The following TRIM37 variants were observed in gnomAD, a reference collection of about 807,000 sequenced individuals.
The protein encoded by TRIM37 is E3 ubiquitin-protein ligase TRIM37.
A neutral mutation model predicts 129.8 loss-of-function variants in TRIM37; 80 were observed. The observed-to-expected ratio is 0.62, with a 90% confidence interval of 0.51 to 0.74. The LOEUF (loss-of-function observed/expected upper bound fraction) is 0.74, where lower values mean the gene tolerates loss of function less well. Ranked by LOEUF, TRIM37 falls within the 30% of genes least tolerant of loss-of-function variation. The probability of loss-of-function intolerance (pLI) is 0.00; values close to 1 mark genes in which losing one functional copy is unlikely to be tolerated. For missense variants in TRIM37, 1,054 were observed against 1,176.5 expected (o/e 0.90, Z 1.52); for synonymous variants, 389 against 387.1 (o/e 1.00, Z -0.06).
intron 5 of TRIM37, among the ~76,000 whole-genome samples, chr17:59,081,620 A>AT (rs879386344): frequency 1.3e-5 from 2 of 152,116 alleles, no homozygotes; most frequent in Non-Finnish European, 2.9e-5. Flanking sequence ...TTAAAAAATA[A>AT]TTATTAGCCA....
chr17:58,991,667 C>G (rs1412004451), intron 24 of TRIM37, among the ~76,000 whole-genome samples: 2 of 152,098 alleles, frequency 1.3e-5, no homozygotes, highest in African/African-American at 2.4e-5. Flanking sequence ...ATTAGCAAAA[C>G]AAATACCATT....
chr17:59,071,862 A>G (rs919780327), intron 8 of TRIM37, among the ~76,000 whole-genome samples: 1 of 152,240 alleles, frequency 6.6e-6, no homozygotes, highest in African/African-American at 2.4e-5. Flanking sequence ...GTTTACATAC[A>G]AAACTAAAAT....
At chr17:59,002,061 C>T (rs1041940412) in intron 22 of TRIM37, among the ~76,000 whole-genome samples, 10 of 151,924 alleles carry the variant, frequency 6.6e-5, no homozygotes, top group African/African-American at 2.2e-4. Flanking sequence ...AACAGGAACT[C>T]TTTTAATCCT....
At chr17:59,005,759 C>T in intron 22 of TRIM37, among the ~76,000 whole-genome samples, 1 of 152,084 alleles carries the variant, frequency 6.6e-6, no homozygotes, top group Non-Finnish European at 1.5e-5. Flanking sequence ...AATAAAAATG[C>T]CAATATAAGG....
At chr17:59,085,042 C>T (rs572018834) in intron 4 of TRIM37, among the ~76,000 whole-genome samples, 2 of 152,220 alleles carry the variant, frequency 1.3e-5, no homozygotes, top group East Asian at 1.9e-4. Context: ...AAACTACAGG[C>T]CGGGTGCAGC....
chr17:58,995,111 C>T (rs568590902), downstream of TRIM37, among the ~76,000 whole-genome samples: 6 of 152,104 alleles, frequency 3.9e-5, no homozygotes, highest in African/African-American at 1.4e-4. Flanking sequence ...TGCAGTAGCA[C>T]GATTTTGGCT....
At chr17:59,100,193 T>C (rs1369051130) in intron 2 of TRIM37, among the ~76,000 whole-genome samples, 1 of 152,132 alleles carries the variant, frequency 6.6e-6, no homozygotes, top group Non-Finnish European at 1.5e-5. Flanking sequence ...TTTTAGAAAA[T>C]AGCTTGGCAA....
chr17:58,991,427 T>C (rs1301057894), intron 24 of TRIM37, among the ~76,000 whole-genome samples: 1 of 152,004 alleles, frequency 6.6e-6, no homozygotes, highest in African/African-American at 2.4e-5. Flanking sequence ...TCCCAGCTAC[T>C]CGGAAGGCTG....
intron 13 of TRIM37, among the ~76,000 whole-genome samples, chr17:59,055,422 G>A (rs976981321): frequency 8.6e-5 from 13 of 151,506 alleles, no homozygotes; most frequent in African/African-American, 2.4e-4. Context: ...TGGGCCGGGC[G>A]CAGTGGCTCA....
At chr17:59,092,365 C>T (rs1159002043) in intron 2 of TRIM37, among the ~76,000 whole-genome samples, 1 of 150,756 alleles carries the variant, frequency 6.6e-6, no homozygotes, top group Non-Finnish European at 1.5e-5. Flanking sequence ...TGCCACTGCA[C>T]TCTAGCCTGG....
downstream of TRIM37, among the ~76,000 whole-genome samples, chr17:58,994,015 T>A (rs964922265): frequency 2.6e-5 from 4 of 152,224 alleles, no homozygotes; most frequent in African/African-American, 9.6e-5. Context: ...CTGTTTTTTG[T>A]AGGGCATAGC....
intron 22 of TRIM37, among the ~76,000 whole-genome samples, chr17:59,002,882 T>C (rs981974220): frequency 6.6e-6 from 1 of 152,098 alleles, no homozygotes; most frequent in African/African-American, 2.4e-5. Flanking sequence ...CTGCATAATG[T>C]TAAAATTTTT....
chr17:58,984,708 CAAT>C (rs2031635244), intron 24 of TRIM37: 1 of 152,582 alleles, frequency 6.6e-6, no homozygotes, highest in Non-Finnish European at 1.5e-5. Flanking sequence ...TATTACAACA[CAAT>C]GATTTTCCAG....
At chr17:59,000,276 G>A (rs954700687) in intron 23 of TRIM37, among the ~76,000 whole-genome samples, 7 of 152,138 alleles carry the variant, frequency 4.6e-5, no homozygotes, top group Non-Finnish European at 1.5e-5. Context: ...ATATTTAAGT[G>A]AAAAAAGCAG....
intron 24 of TRIM37, among the ~76,000 whole-genome samples, chr17:58,988,398 TGAGGGAAAAG>T (rs1334488231): frequency 6.6e-6 from 1 of 151,976 alleles, no homozygotes; most frequent in Non-Finnish European, 1.5e-5. Flanking sequence ...AAGCACCCTA[TGAGGGAAAAG>T]GAGCACAAAT....
chr17:59,021,609 G>A (rs994849502), intron 19 of TRIM37, among the ~76,000 whole-genome samples: 5 of 151,922 alleles, frequency 3.3e-5, no homozygotes, highest in African/African-American at 1.2e-4. Context: ...ATACAGCAAT[G>A]GTTACCAGAG....
chr17:59,105,505 C>A (rs1038822777), intron 1 of TRIM37, among the ~76,000 whole-genome samples: 5 of 152,130 alleles, frequency 3.3e-5, no homozygotes, highest in Non-Finnish European at 5.9e-5. Context: ...TACAATTAAA[C>A]GTATACTTAT....
chr17:59,015,323 C>T (rs1335005373), intron 21 of TRIM37, among the ~76,000 whole-genome samples: 1 of 150,930 alleles, frequency 6.6e-6, no homozygotes, highest in African/African-American at 2.4e-5. Context: ...ACCTGTAATC[C>T]CAGCTACTTG....
chr17:59,088,344 A>C lies in TRIM37; in HGVS notation c.228T>G (p.Leu76=). ...TGAGACTGCAGAGTTGAAGAGTATC[A>C]AGCTGTTGTGTTACTTCTTCTGCCC... is the stretch of plus-strand genomic sequence containing the variant. ...CRWAEEVTQQ[L]DTLQLCSLTK... The change falls in exon 4 of 24, where the codon CTT becomes CTG. Residue 76 remains leucine, a synonymous_variant. Coordinates refer to ENST00000262294, the MANE Select transcript of TRIM37 (RefSeq NM_015294.6). The C allele has an allele frequency of 1.2e-6, 2 of 1,613,810 alleles. No individual in the cohort carries two copies. Among genetic ancestry groups the C allele is most frequent in the Non-Finnish European group, 1.7e-6 (2 of 1,179,814 alleles).
Sources: allele counts gnomAD v4.1 joint callset (sites outside exome capture counted in the v4.1 genomes callset), GRCh38; gene constraint gnomAD v4.1.1; transcripts MANE v1.5; gene names NCBI Gene and HGNC (gene_info 2026-07-23, HGNC 2026-07-21).